The following SLC25A32 variants were observed in gnomAD, a reference collection of about 807,000 sequenced individuals.
SLC25A32 encodes Glycine auxotroph B, complementation of hamster.
Under a neutral mutation model 39.0 loss-of-function variants are expected in SLC25A32, and 32 were observed. That is an observed-to-expected ratio of 0.82 (90% confidence interval 0.62 to 1.10). SLC25A32 has a LOEUF of 1.10. SLC25A32 is among the 50% of genes least tolerant of loss of function. The probability of loss-of-function intolerance (pLI) is 0.00; values close to 1 mark genes in which losing one functional copy is unlikely to be tolerated. For missense variants in SLC25A32, 367 were observed against 395.3 expected, an observed-to-expected ratio of 0.93 and a Z score of 0.61; for synonymous variants, 166 against 152.4, an observed-to-expected ratio of 1.09 and a Z score of -0.66.
chr8:103,404,144 A>C (rs1816277103), intron 3 of SLC25A32, among the ~76,000 whole-genome samples: 1 of 152,246 alleles, frequency 6.6e-6, no homozygotes, highest in African/African-American at 2.4e-5. Flanking sequence ...AGGCTACTAA[A>C]TTGTATAATT....
intron 2 of SLC25A32, among the ~76,000 whole-genome samples, chr8:103,405,962 C>T (rs926801007): frequency 1.6e-4 from 25 of 151,970 alleles, no homozygotes; most frequent in African/African-American, 6.0e-4. Flanking sequence ...AGCCACTGCA[C>T]CTGGCCCAAG....
chr8:103,415,029 G>A lies in SLC25A32; in HGVS notation c.-92C>T. ...CACCGTGGCGACGGTCGCCCCTTGT[G>A]AGCGCAACCCCACCTCCGGGACCAA... On this transcript the variant is annotated 5_prime_UTR_variant, in exon 1 of 7. Coordinates refer to ENST00000297578, the MANE Select transcript of SLC25A32 (RefSeq NM_030780.5). The A allele has an allele frequency of 6.3e-7, 1 of 1,593,282 alleles. No individual in the cohort carries two copies. The highest frequency in any genetic ancestry group is 1.3e-5 in the African/African-American group (1 of 74,302).
At chr8:103,405,977 T>A (rs1048657230) in intron 2 of SLC25A32, among the ~76,000 whole-genome samples, 1 of 151,880 alleles carries the variant, frequency 6.6e-6, no homozygotes, top group African/African-American at 2.4e-5. Context: ...CCCAAGAAAT[T>A]CTTATCACAA....
chr8:103,407,635 A>T lies in SLC25A32; in HGVS notation c.304T>A (p.Phe102Ile). 1 of 1,551,578 alleles carries T rather than the reference A, an allele frequency of 6.4e-7. No homozygotes were observed. The change falls in exon 2 of 7, where the codon TTT becomes ATT. Residue 102 changes from phenylalanine (F) to isoleucine (I), a missense_variant and splice_region_variant. By Grantham distance (21) the Phe-to-Ile change is conservative (BLOSUM62 0). Transcript: ENST00000297578. Reference sequence around the variant, plus strand: ...GTAAAATCTCCCAAATCTACTCACAAGAAAAAGTAGAGTCCCCAGGATAAA... The same window carrying T: ...GTAAAATCTCCCAAATCTACTCACATGAAAAAGTAGAGTCCCCAGGATAAA... Reference protein sequence around the residue: ...AGLSWGLYFFFYNAIKSYKTE... With the variant: ...AGLSWGLYFFIYNAIKSYKTE...
intron 1 of SLC25A32, among the ~76,000 whole-genome samples, chr8:103,412,824 C>T (rs1280621702): frequency 6.6e-6 from 1 of 152,202 alleles, no homozygotes; most frequent in Admixed American, 6.5e-5. Context: ...ATAGCACATG[C>T]ATTCAGAATT....
Position 103,398,767 on chromosome 8 carries a change from A to G in SLC25A32, c.*1644T>C, listed in dbSNP as rs975367098. The G allele has an allele frequency of 6.6e-6, 1 of 152,254 alleles. No individual in the cohort carries two copies. The highest frequency in any genetic ancestry group is 1.5e-5 in the Non-Finnish European group (1 of 68,042). 9.4% of individuals were successfully genotyped at this position (152,254 alleles called of 1,614,324 possible). The stretch of plus-strand genomic sequence containing the variant: ...TTTTTCCGTGTGGGGACTAATATCA[A>G]GATTTCATATGAATTATAGTATAAT... On this transcript the variant is annotated 3_prime_UTR_variant, in exon 7 of 7. Coordinates refer to ENST00000297578, the MANE Select transcript of SLC25A32 (RefSeq NM_030780.5).
At chr8:103,414,603 G>A in intron 1 of SLC25A32, 181 bp downstream of exon 1, 2 of 775,272 alleles carry the variant, frequency 2.6e-6, no homozygotes, top group East Asian at 2.7e-5. Context: ...TGAGGAGCGG[G>A]GAAGATCGCA....
At chr8:103,412,668 T>C (rs73287939) in intron 1 of SLC25A32, among the ~76,000 whole-genome samples, 146 of 152,310 alleles carry the variant, frequency 9.6e-4, no homozygotes, top group African/African-American at 3.2e-3. Flanking sequence ...GTTCTCTAAA[T>C]ATCTTGAGGT....
chr8:103,414,701 C>T, intron 1 of SLC25A32, 83 bp downstream of exon 1: 3 of 1,571,690 alleles, frequency 1.9e-6, no homozygotes, highest in South Asian at 2.3e-5. Flanking sequence ...CGCTCCTCCT[C>T]CCCCTAGAAC....
Position 103,414,992 on chromosome 8 carries a change from T to G in SLC25A32, c.-55A>C. 1 of 1,582,932 alleles carries G rather than the reference T, an allele frequency of 6.3e-7. No homozygotes were observed. The highest frequency in any genetic ancestry group is 8.6e-7 in the Non-Finnish European group (1 of 1,164,252). On this transcript the variant is annotated 5_prime_UTR_variant, in exon 1 of 7. Coordinates refer to ENST00000297578, the MANE Select transcript of SLC25A32 (RefSeq NM_030780.5). ...CCAGGGCCGCGGAGGTGGGACGCGA[T>G]GCAGTGGCCGCCACCGTGGCGACGG...
In SLC25A32 at chr8:103,414,875, G is replaced by T; in HGVS notation, c.63C>A (p.Val21=). ...CGCCCGCTATCAGGTTCTCATACCG[G>T]ACGTGGCGGAATACCGTGCTCCACG... ...SSAWSTVFRH[V]RYENLIAGVS... Residue 21 remains valine, a synonymous_variant, in exon 1 of 7, where the codon GTC becomes GTA. Coordinates refer to ENST00000297578, the MANE Select transcript of SLC25A32 (RefSeq NM_030780.5). 1 of 1,613,282 alleles carries T rather than the reference G, an allele frequency of 6.2e-7. No homozygotes were observed. Among genetic ancestry groups the T allele is most frequent in the South Asian group, 1.1e-5 (1 of 91,048 alleles).
At chr8:103,405,654 AT>A (rs1816313775) in intron 2 of SLC25A32, among the ~76,000 whole-genome samples, 1 of 150,976 alleles carries the variant, frequency 6.6e-6, no homozygotes, top group Non-Finnish European at 1.5e-5. Flanking sequence ...AAGTGAACAC[AT>A]TCTTTCTTTT....
intron 3 of SLC25A32, 56 bp downstream of exon 3, chr8:103,404,719 CA>C: frequency 7.6e-7 from 1 of 1,316,838 alleles, no homozygotes; most frequent in South Asian, 1.3e-5. Context: ...AATCAAAAAC[CA>C]AAACTGAAAA....
chr8:103,404,753 TTATATTTCACACATTGCCTTACCAG>T lies in SLC25A32; in HGVS notation c.389_391+22del, dbSNP rs1220556983. The T allele has an allele frequency of 6.4e-7, 1 of 1,568,056 alleles. No homozygotes were observed. Among genetic ancestry groups the T allele is most frequent in the South Asian group, 1.2e-5 (1 of 86,698 alleles). ...AAATTAAGTTTGGAAGGTGACATTT[TTATATTTCACACATTGCCTTACCAG>T]CTTCAGCAGCTGAGACAAGGTATTC... On this transcript the variant is annotated splice_donor_variant and splice_donor_5th_base_variant and coding_sequence_variant and intron_variant, in exon 3 of 7. Transcript: ENST00000297578. LOFTEE classifies it high-confidence loss of function.
At chr8:103,409,394 T>C (rs1022042014) in intron 1 of SLC25A32, among the ~76,000 whole-genome samples, 1 of 152,192 alleles carries the variant, frequency 6.6e-6, no homozygotes. Flanking sequence ...ATCTTATAGA[T>C]ATCCCATGAT....
intron 4 of SLC25A32, chr8:103,402,567 A>T (rs954623969): frequency 6.6e-6 from 1 of 152,254 alleles, no homozygotes; most frequent in African/African-American, 2.4e-5. Flanking sequence ...TCTAATTTTG[A>T]TTTTAACCTA....
intron 1 of SLC25A32, among the ~76,000 whole-genome samples, chr8:103,410,789 A>G (rs577405722): frequency 6.6e-6 from 1 of 152,326 alleles, no homozygotes; most frequent in African/African-American, 2.4e-5. Flanking sequence ...TGGTGTACAG[A>G]AAGGAGCCAA....
chr8:103,405,242 G>C (rs1319170645), intron 2 of SLC25A32, among the ~76,000 whole-genome samples: 2 of 152,190 alleles, frequency 1.3e-5, no homozygotes, highest in Non-Finnish European at 2.9e-5. Flanking sequence ...AGGTACTATA[G>C]TTAGCTTTCT....
intron 3 of SLC25A32, among the ~76,000 whole-genome samples, chr8:103,403,769 A>C (rs902325366): frequency 6.6e-6 from 1 of 152,238 alleles, no homozygotes; most frequent in Non-Finnish European, 1.5e-5. Context: ...TGTGACACAT[A>C]TATCTACCCC....
Sources: gnomAD v4.1 joint callset for allele counts (sites outside exome capture counted in the v4.1 genomes callset) on GRCh38, gnomAD v4.1.1 for gene constraint, MANE v1.5 for transcripts, NCBI Gene and HGNC (gene_info 2026-07-23, HGNC 2026-07-21) for gene names.